The following LRRK2 variants were observed in gnomAD, a reference collection of about 807,000 sequenced individuals.
LRRK2 encodes the protein leucine rich repeat kinase 2, also known as leucine-rich repeat serine/threonine-protein kinase 2.
In LRRK2, 203 loss-of-function variants were observed where a neutral mutation model predicts 302.6. The observed-to-expected ratio is 0.67, with a 90% CI of 0.60 to 0.75. The LOEUF is 0.75. LRRK2 is among the 30% of genes least tolerant of loss of function. LRRK2 has a pLI of 0.00. For synonymous variants in LRRK2, 1,066 were observed against 1,031.9 expected (o/e 1.03, Z -0.63); for missense variants, 2,830 against 2,951.0 (o/e 0.96, Z 0.95).
At chr12:40,283,794 CA>C in intron 18 of LRRK2, 80 bp from the exon 19 acceptor site, 1 of 1,237,962 alleles carries the variant, frequency 8.1e-7, no homozygotes, top group Non-Finnish European at 1.1e-6. Flanking sequence ...AGAGAAAAAT[CA>C]CATGAAGTTT....
chr12:40,243,723 T>C (rs1313559780), intron 7 of LRRK2, 42 bp downstream of exon 7: 2 of 1,547,254 alleles, frequency 1.3e-6, no homozygotes, highest in East Asian at 2.3e-5. Flanking sequence ...CTGTATGATA[T>C]ACATATACAT....
intron 7 of LRRK2, among the ~76,000 whole-genome samples, chr12:40,247,519 TAC>T (rs1942042285): frequency 4.5e-5 from 3 of 66,524 alleles, no homozygotes; most frequent in Non-Finnish European, 9.6e-5. Context: ...TATATAAATA[TAC>T]ATACAAATGT....
chr12:40,355,691 C>A (rs778088086), intron 45 of LRRK2, among the ~76,000 whole-genome samples: 1 of 151,886 alleles, frequency 6.6e-6, no homozygotes, highest in African/African-American at 2.4e-5. Flanking sequence ...TACAGGCGTG[C>A]ACCACCAAAC....
At chr12:40,257,186 C>A in intron 11 of LRRK2, 62 bp from the exon 12 acceptor site, 2 of 1,240,038 alleles carry the variant, frequency 1.6e-6, no homozygotes, top group Non-Finnish European at 2.3e-6. Context: ...TATTCTAAAG[C>A]TTATGGTAAA....
intron 20 of LRRK2, among the ~76,000 whole-genome samples, chr12:40,292,493 T>A (rs1452671833): frequency 6.6e-6 from 1 of 151,288 alleles, no homozygotes; most frequent in Non-Finnish European, 1.5e-5. Flanking sequence ...CACACACATA[T>A]AAAGTGGGAT....
At chr12:40,275,096 T>C in intron 16 of LRRK2, 103 bp downstream of exon 16, 2 of 1,245,338 alleles carry the variant, frequency 1.6e-6, no homozygotes, top group Admixed American at 1.7e-5. Flanking sequence ...TTCTAGTTAA[T>C]GGAAAACCAT....
At chr12:40,336,594 C>A (rs1248426919) in intron 40 of LRRK2, among the ~76,000 whole-genome samples, 2 of 152,194 alleles carry the variant, frequency 1.3e-5, no homozygotes, top group Non-Finnish European at 2.9e-5. Context: ...GTGTATGCAA[C>A]TTTCCTTCTC....
rs560546412 is a variant in LRRK2 at position 40,355,992 on chromosome 12, G to C, written c.6771-123G>C. The C allele has an allele frequency of 2.1e-4, 136 of 652,922 alleles. 1 individual carries two copies. The highest frequency in any genetic ancestry group is 1.8e-3 in the African/African-American group (100 of 54,632). The allele number at this position is 652,922 out of a possible 1,614,324, so 40.4% of individuals were successfully genotyped here. The stretch of plus-strand genomic sequence containing the variant: ...TCTAAAGTAAATACTCTAAGAAAAG[G>C]GAGGTTAGGAATTTATAGTTGAGAA... On this transcript the variant is annotated intron_variant, in intron 45 of 50. Transcript: ENST00000298910.
chr12:40,235,791 G>A, intron 4 of LRRK2, 77 bp downstream of exon 4: 1 of 463,000 alleles, frequency 2.2e-6, no homozygotes, highest in Non-Finnish European at 3.6e-6. Flanking sequence ...GTGTGTGTGT[G>A]TGTTTTTTTT....
chr12:40,346,941 T>C lies in LRRK2; in HGVS notation c.6280+18T>C. ...ATTACCTGGTAAGTTCTGTTTTCTC[T>C]ACAATGAAGATTTTTTTTCTTAATA... On this transcript the variant is annotated intron_variant, in intron 42 of 50. Coordinates refer to ENST00000298910, the MANE Select transcript of LRRK2 (RefSeq NM_198578.4). 6.3e-7 allele frequency: 1 copy of C among 1,594,878 alleles called. No homozygotes were observed. The highest frequency in any genetic ancestry group is 1.2e-5 in the South Asian group (1 of 86,868).
chr12:40,258,694 C>T (rs779671034), intron 12 of LRRK2, among the ~76,000 whole-genome samples: 32 of 152,172 alleles, frequency 2.1e-4, no homozygotes, highest in Middle Eastern at 3.4e-3. Context: ...GTGTAAAAGA[C>T]GCAATGGTAA....
rs934584761 is a variant in LRRK2, at chr12:40,242,307, ATAC to A, written c.707-1240_707-1238del. 1.2e-4 allele frequency among the ~76,000 whole-genome samples: 19 copies of A among 152,288 alleles called. No homozygotes were observed. The East Asian group carries it at 1.9e-3, about 15-fold the overall frequency. On this transcript the variant is annotated intron_variant, in intron 6 of 50. Transcript: ENST00000298910. ...ATTAGTTTTGGTTGTGCCAAAACAA[ATAC>A]TAAAATGTTTTGCAAACAGCCTTTT...
At chr12:40,363,725 G>C (rs775754123) in intron 48 of LRRK2, among the ~76,000 whole-genome samples, 171 bp downstream of exon 48, 1 of 151,810 alleles carries the variant, frequency 6.6e-6, no homozygotes, top group Non-Finnish European at 1.5e-5. Flanking sequence ...AGAAAATTTT[G>C]TCTTCAGAAC....
intron 18 of LRRK2, among the ~76,000 whole-genome samples, chr12:40,279,348 GA>G (rs1399201814): frequency 1.3e-5 from 2 of 151,344 alleles, no homozygotes; most frequent in Non-Finnish European, 2.9e-5. Context: ...AAAAGAAAAA[GA>G]ATTTGTAACC....
At chr12:40,367,138 T>C in intron 50 of LRRK2, 61 bp downstream of exon 50, 1 of 1,268,180 alleles carries the variant, frequency 7.9e-7, no homozygotes, top group Non-Finnish European at 1.1e-6. Context: ...TGGTAACATA[T>C]TATGTGTTTC....
intron 33 of LRRK2, 134 bp from the exon 34 acceptor site, chr12:40,319,854 A>G: frequency 1.4e-6 from 1 of 710,864 alleles, no homozygotes; most frequent in East Asian, 2.8e-5. Flanking sequence ...TAGAGAAATT[A>G]GGTACTGTGT....
chr12:40,257,132 G>C (rs1266751532), intron 11 of LRRK2, 116 bp from the exon 12 acceptor site: 1 of 720,810 alleles, frequency 1.4e-6, no homozygotes, highest in Non-Finnish European at 2.3e-6. Context: ...TATAAATTAT[G>C]TGTGCTCTTG....
At chr12:40,281,564 A>G (rs773571870) in intron 18 of LRRK2, among the ~76,000 whole-genome samples, 3 of 152,250 alleles carry the variant, frequency 2.0e-5, no homozygotes, top group Admixed American at 6.5e-5. Context: ...AAAAATAAAT[A>G]TCTGTGAGCA....
At chr12:40,345,538 G>A (rs891760044) in intron 41 of LRRK2, among the ~76,000 whole-genome samples, 4 of 135,928 alleles carry the variant, frequency 2.9e-5, no homozygotes, top group Non-Finnish European at 4.6e-5. Context: ...CAGGAGAATC[G>A]CTTGAACCCA....
Sources: gnomAD v4.1 joint callset for allele counts (sites outside exome capture counted in the v4.1 genomes callset) on GRCh38, gnomAD v4.1.1 for gene constraint, MANE v1.5 for transcripts, NCBI Gene and HGNC (gene_info 2026-07-23, HGNC 2026-07-21) for gene names.